Variants in KCNMB2 observed in about 807,000 individuals in gnomAD.
The protein encoded by KCNMB2 is potassium calcium-activated channel subfamily M regulatory beta subunit 2.
A neutral mutation model predicts 24.5 loss-of-function variants in KCNMB2; 9 were observed. The ratio of observed to expected loss-of-function variants is 0.37; its 90% CI spans 0.22 to 0.64. The LOEUF (loss-of-function observed/expected upper bound fraction) is 0.64. KCNMB2 is among the 30% of genes least tolerant of loss of function. The probability of loss-of-function intolerance (pLI) is 0.63; values close to 1 mark genes in which losing one functional copy is unlikely to be tolerated. For missense variants in KCNMB2, 226 were observed against 284.3 expected, an observed-to-expected ratio of 0.79 and a Z score of 1.47; for synonymous variants, 109 against 104.4, an observed-to-expected ratio of 1.04 and a Z score of -0.27.
chr3:178,726,100 T>C (rs1420278215), intron 1 of KCNMB2, among the ~76,000 whole-genome samples: 6 of 151,916 alleles, frequency 3.9e-5, no homozygotes, highest in African/African-American at 1.4e-4. Context: ...AATAATATTT[T>C]AGTGGCCCTT....
At chr3:178,682,114 C>T (rs560595312) in intron 1 of KCNMB2, among the ~76,000 whole-genome samples, 14 of 152,306 alleles carry the variant, frequency 9.2e-5, no homozygotes, top group African/African-American at 3.1e-4. Context: ...TTCTCCACTT[C>T]CCTGGTCAAG....
At chr3:178,614,794 G>T (rs1718646601) in intron 1 of KCNMB2, among the ~76,000 whole-genome samples, 1 of 152,124 alleles carries the variant, frequency 6.6e-6, no homozygotes, top group African/African-American at 2.4e-5. Context: ...AGTTCATTTG[G>T]TGAGTTCATG....
intron 1 of KCNMB2, among the ~76,000 whole-genome samples, chr3:178,798,983 TA>T (rs35483725): frequency 0.21 from 30,048 of 144,248 alleles, 3,254 homozygotes; most frequent in Middle Eastern, 0.33. Flanking sequence ...CTCTTGATGA[TA>T]AAAAAAAAAA....
Position 178,553,247 on chromosome 3 carries a change from T to C in KCNMB2, c.-68+16536T>C, listed in dbSNP as rs569939115. 4.6e-5 allele frequency among the ~76,000 whole-genome samples: 7 copies of C among 152,318 alleles called. No individual in the cohort carries two copies. In the East Asian group the frequency reaches 1.3e-3, roughly 29 times the overall value. ...AGGAAACAGATTTCCCTTATTATCC[T>C]ACCTAAGTACAATCTGGCACCATGC... On this transcript the variant is annotated intron_variant, in intron 1 of 4. Transcript: ENST00000452583.
intron 1 of KCNMB2, among the ~76,000 whole-genome samples, chr3:178,621,431 T>A (rs1457702558): frequency 6.6e-6 from 1 of 152,124 alleles, no homozygotes; most frequent in Non-Finnish European, 1.5e-5. Context: ...CTCTCTGACA[T>A]CTTTGTTCAT....
At chr3:178,839,939 A>G (rs1173302321) in intron 4 of KCNMB2, among the ~76,000 whole-genome samples, 1 of 152,188 alleles carries the variant, frequency 6.6e-6, no homozygotes, top group African/African-American at 2.4e-5. Flanking sequence ...ACAGTCCCCC[A>G]AAGTCTTAAA....
intron 4 of KCNMB2, among the ~76,000 whole-genome samples, chr3:178,828,849 T>C (rs2108470369): frequency 6.6e-6 from 1 of 152,132 alleles, no homozygotes. Flanking sequence ...AATGGCCACC[T>C]TGCAAGGTCC....
At chr3:178,572,959 T>C (rs181981412) in intron 1 of KCNMB2, among the ~76,000 whole-genome samples, 185 of 152,334 alleles carry the variant, frequency 1.2e-3, no homozygotes, top group African/African-American at 4.3e-3. Context: ...GTAAATATTG[T>C]AGTAGGTTCT....
At chr3:178,680,437 C>CT (rs1016759328) in intron 1 of KCNMB2, among the ~76,000 whole-genome samples, 10 of 151,970 alleles carry the variant, frequency 6.6e-5, no homozygotes, top group Admixed American at 3.9e-4. Context: ...TTATCCAAAC[C>CT]TTTTTTTTCT....
chr3:178,576,380 C>A (rs1716989199), intron 1 of KCNMB2, among the ~76,000 whole-genome samples: 1 of 152,256 alleles, frequency 6.6e-6, no homozygotes, highest in South Asian at 2.1e-4. Flanking sequence ...GCCTATACCA[C>A]CAGGGACCGG....
chr3:178,753,496 C>T (rs1033945971), intron 1 of KCNMB2, among the ~76,000 whole-genome samples: 5 of 152,044 alleles, frequency 3.3e-5, no homozygotes, highest in Non-Finnish European at 7.3e-5. Flanking sequence ...TACAAAAATG[C>T]CTGGGACTCT....
chr3:178,766,789 T>G (rs73183322), intron 1 of KCNMB2, among the ~76,000 whole-genome samples: 1 of 152,362 alleles, frequency 6.6e-6, no homozygotes, highest in Non-Finnish European at 1.5e-5. Flanking sequence ...AGTATCATGA[T>G]GTTGATATAA....
rs1398007573 is a variant in KCNMB2 at position 178,604,859 on chromosome 3, T to A, written c.-68+68148T>A. 2.6e-5 allele frequency among the ~76,000 whole-genome samples: 4 copies of A among 152,204 alleles called. No individual in the cohort carries two copies. In the East Asian group the frequency reaches 7.7e-4, roughly 29 times the overall value. On this transcript the variant is annotated intron_variant, in intron 1 of 4. Coordinates refer to ENST00000452583, the MANE Select transcript of KCNMB2 (RefSeq NM_181361.3). ...TTCCCAGTAAGTAAAATTATTCAAT[T>A]TGATTAGGCAATCTGTAAGTTCCTG...
chr3:178,800,492 A>T (rs1367104160), intron 1 of KCNMB2, among the ~76,000 whole-genome samples: 1 of 152,182 alleles, frequency 6.6e-6, no homozygotes, highest in Non-Finnish European at 1.5e-5. Context: ...TCTCACCCCA[A>T]GTTAAAATGA....
chr3:178,741,148 G>A (rs567567122), intron 1 of KCNMB2, among the ~76,000 whole-genome samples: 7 of 152,268 alleles, frequency 4.6e-5, no homozygotes, highest in South Asian at 2.1e-4. Context: ...CATCTGTCAC[G>A]TAAACAGAGT....
At chr3:178,717,779 G>A (rs1471012592) in intron 1 of KCNMB2, among the ~76,000 whole-genome samples, 1 of 151,828 alleles carries the variant, frequency 6.6e-6, no homozygotes, top group Non-Finnish European at 1.5e-5. Flanking sequence ...ATACAAAGAT[G>A]AATAAGACAG....
At chr3:178,720,716 T>G in intron 1 of KCNMB2, among the ~76,000 whole-genome samples, 2 of 136,482 alleles carry the variant, frequency 1.5e-5, no homozygotes, top group Admixed American at 1.5e-4. Flanking sequence ...TTGATTTGCA[T>G]TTCTCTGATG....
intron 1 of KCNMB2, among the ~76,000 whole-genome samples, chr3:178,708,659 A>G (rs1722356494): frequency 6.6e-6 from 1 of 152,110 alleles, no homozygotes; most frequent in Admixed American, 6.6e-5. Flanking sequence ...CCTCTATACC[A>G]TGAGCTATGT....
At chr3:178,778,503 C>CACACACACA (rs1577180369) in intron 1 of KCNMB2, among the ~76,000 whole-genome samples, 1 of 149,340 alleles carries the variant, frequency 6.7e-6, no homozygotes. Context: ...CACACACACA[C>CACACACACA]CTGTTCCAGG....
Sources: allele counts gnomAD v4.1 joint callset (sites outside exome capture counted in the v4.1 genomes callset), GRCh38; gene constraint gnomAD v4.1.1; transcripts MANE v1.5; gene names NCBI Gene and HGNC (gene_info 2026-07-23, HGNC 2026-07-21).